The following ZNF804B variants were observed in gnomAD, a reference collection of about 807,000 sequenced individuals.
The protein encoded by ZNF804B is zinc finger protein 804B.
In ZNF804B, 80 loss-of-function variants were observed where a neutral mutation model predicts 101.4. That is an observed-to-expected ratio of 0.79 (90% confidence interval 0.66 to 0.95). The LOEUF (loss-of-function observed/expected upper bound fraction) is 0.95. ZNF804B is among the 40% of genes least tolerant of loss of function. The pLI, the probability that ZNF804B is intolerant of heterozygous loss-of-function variation, is 0.00. For synonymous variants in ZNF804B, 622 were observed against 558.8 expected (o/e 1.11, Z -1.59); for missense variants, 1,673 against 1,561.9 (o/e 1.07, Z -1.20).
intron 2 of ZNF804B, among the ~76,000 whole-genome samples, chr7:89,282,561 A>T (rs534535156): frequency 1.4e-4 from 22 of 152,312 alleles, no homozygotes; most frequent in African/African-American, 4.6e-4. Flanking sequence ...CTCTCCTCTT[A>T]AACAGGAGGT....
intron 1 of ZNF804B, among the ~76,000 whole-genome samples, chr7:89,078,676 C>A (rs1295240841): frequency 2.0e-5 from 3 of 147,742 alleles, no homozygotes; most frequent in Non-Finnish European, 4.5e-5. Context: ...ACCTCTCTTA[C>A]ATATTTTCTA....
chr7:89,016,699 G>A (rs543879433), intron 1 of ZNF804B, among the ~76,000 whole-genome samples: 3 of 152,104 alleles, frequency 2.0e-5, no homozygotes, highest in African/African-American at 7.2e-5. Flanking sequence ...TGATTTATAT[G>A]TCTGTTTTGG....
intron 1 of ZNF804B, among the ~76,000 whole-genome samples, chr7:88,970,025 A>G (rs1793508362): frequency 1.3e-5 from 2 of 149,890 alleles, no homozygotes; most frequent in Admixed American, 6.7e-5. Flanking sequence ...CTTTCCCTTC[A>G]TTTCCCTTTT....
chr7:89,076,283 A>G (rs945295677), intron 1 of ZNF804B, among the ~76,000 whole-genome samples: 1 of 152,152 alleles, frequency 6.6e-6, no homozygotes, highest in African/African-American at 2.4e-5. Context: ...CCCCTGTGTC[A>G]TGGGAGGAAC....
intron 1 of ZNF804B, among the ~76,000 whole-genome samples, chr7:88,841,520 C>T (rs1349110932): frequency 6.6e-6 from 1 of 152,132 alleles, no homozygotes; most frequent in Non-Finnish European, 1.5e-5. Flanking sequence ...TGGGAGAAGA[C>T]AATGGAAATT....
rs796989041 is a variant in ZNF804B at position 89,019,185 on chromosome 7, A to C, written c.109-198970A>C. 3.3e-5 allele frequency among the ~76,000 whole-genome samples: 5 copies of C among 151,838 alleles called. No homozygotes were observed. In the South Asian group the frequency reaches 1.0e-3, roughly 32 times the overall value. On this transcript the variant is annotated intron_variant, in intron 1 of 3. Coordinates refer to ENST00000333190, the MANE Select transcript of ZNF804B (RefSeq NM_181646.5). ...ATAAGTTTTGGTGTGCTGTGTTTTT[A>C]TTTTAATTTGTTTCAATAATTTTTT... is the stretch of plus-strand genomic sequence containing the variant.
At chr7:89,258,593 G>A (rs754498387) in intron 2 of ZNF804B, among the ~76,000 whole-genome samples, 2 of 152,074 alleles carry the variant, frequency 1.3e-5, no homozygotes, top group Non-Finnish European at 2.9e-5. Flanking sequence ...ACAAATGGGG[G>A]TTAGGGAAAC....
intron 1 of ZNF804B, among the ~76,000 whole-genome samples, chr7:88,853,756 C>T (rs1445573563): frequency 6.6e-6 from 1 of 151,978 alleles, no homozygotes; most frequent in African/African-American, 2.4e-5. Context: ...CTAAAAATTT[C>T]ACCAATGTAT....
chr7:88,877,092 C>T (rs1791965837), intron 1 of ZNF804B, among the ~76,000 whole-genome samples: 1 of 99,924 alleles, frequency 1.0e-5, no homozygotes, highest in African/African-American at 4.3e-5. Flanking sequence ...CAGAGTCTCC[C>T]TCTGTCACCC....
intron 1 of ZNF804B, among the ~76,000 whole-genome samples, chr7:88,798,708 GA>G (rs1241650636): frequency 5.3e-5 from 8 of 152,094 alleles, no homozygotes; most frequent in African/African-American, 1.7e-4. Context: ...TGACTAGATA[GA>G]AATAGAAGCA....
chr7:89,245,151 C>G (rs1789425251), intron 2 of ZNF804B, among the ~76,000 whole-genome samples: 1 of 151,848 alleles, frequency 6.6e-6, no homozygotes, highest in Admixed American at 6.6e-5. Context: ...ATATTACAAC[C>G]AAAATTACAA....
At position 88,924,643 on chromosome 7, in the gene ZNF804B, C is replaced by A. The variant is rs145361883; in HGVS notation, c.108+164559C>A. The stretch of plus-strand genomic sequence containing the variant: ...TCCTCAACCTGGGAAAGCTCTTCCA[C>A]AAGAAATTTACATGGCTCACTCATT... On this transcript the variant is annotated intron_variant, in intron 1 of 3. Coordinates refer to ENST00000333190, the MANE Select transcript of ZNF804B (RefSeq NM_181646.5). Among the ~76,000 whole-genome samples, 5 of 152,252 alleles carry A rather than the reference C, an allele frequency of 3.3e-5. No individual in the cohort carries two copies. In the East Asian group the frequency reaches 9.7e-4, roughly 29 times the overall value.
intron 2 of ZNF804B, among the ~76,000 whole-genome samples, chr7:89,266,055 T>G (rs1464000795): frequency 6.6e-6 from 1 of 152,210 alleles, no homozygotes. Flanking sequence ...ATTTTTTTTC[T>G]TCACATAATT....
chr7:88,820,502 G>A (rs961822695), intron 1 of ZNF804B, among the ~76,000 whole-genome samples: 5 of 152,244 alleles, frequency 3.3e-5, no homozygotes, highest in Admixed American at 6.5e-5. Context: ...TCATAGGAAC[G>A]TTGTCTCTGT....
At chr7:88,958,449 G>T (rs1208879855) in intron 1 of ZNF804B, among the ~76,000 whole-genome samples, 1 of 151,312 alleles carries the variant, frequency 6.6e-6, no homozygotes, top group Non-Finnish European at 1.5e-5. Flanking sequence ...AACTAATTTT[G>T]ACTTGTGGCA....
chr7:88,951,140 A>G (rs990822163), intron 1 of ZNF804B, among the ~76,000 whole-genome samples: 3 of 151,924 alleles, frequency 2.0e-5, no homozygotes, highest in African/African-American at 7.2e-5. Flanking sequence ...AGCATGGCAG[A>G]AAACCTCAGT....
At chr7:89,126,835 A>G (rs971632416) in intron 1 of ZNF804B, among the ~76,000 whole-genome samples, 1 of 151,980 alleles carries the variant, frequency 6.6e-6, no homozygotes, top group Non-Finnish European at 1.5e-5. Context: ...CATCATTAGT[A>G]TACTGAGATG....
In ZNF804B at chr7:89,336,801, T is replaced by A; in HGVS notation, c.3819T>A (p.Ala1273=). The A allele has an allele frequency of 6.2e-7, 1 of 1,614,076 alleles. No homozygotes were observed. Among genetic ancestry groups the A allele is most frequent in the Non-Finnish European group, 8.5e-7 (1 of 1,180,004 alleles). The change falls in exon 4 of 4, where the codon GCT becomes GCA. Residue 1273 remains alanine (A), a synonymous_variant. Coordinates refer to ENST00000333190, the MANE Select transcript of ZNF804B (RefSeq NM_181646.5). ...LAGHPLHLVA[A]TPFHPSHITL... The stretch of plus-strand genomic sequence containing the variant: ...GTCATCCCCTGCATTTAGTAGCTGC[T>A]ACCCCCTTCCACCCATCTCACATAA...
intron 1 of ZNF804B, among the ~76,000 whole-genome samples, chr7:89,121,802 C>A (rs957919150): frequency 5.3e-5 from 8 of 151,910 alleles, no homozygotes; most frequent in Admixed American, 5.2e-4. Context: ...AATGCAGAAC[C>A]AGGTGGTACC....
Sources: allele counts gnomAD v4.1 joint callset (sites outside exome capture counted in the v4.1 genomes callset), GRCh38; gene constraint gnomAD v4.1.1; transcripts MANE v1.5; gene names NCBI Gene and HGNC (gene_info 2026-07-23, HGNC 2026-07-21).